The following NOD1 variants were observed in gnomAD, a reference collection of about 807,000 sequenced individuals.
The protein encoded by NOD1 is nucleotide-binding oligomerization domain-containing protein 1.
A neutral mutation model predicts 81.2 loss-of-function variants in NOD1; 70 were observed. That is an observed-to-expected ratio of 0.86 (90% CI 0.71 to 1.05). The LOEUF (loss-of-function observed/expected upper bound fraction) is 1.05, where lower values mean the gene tolerates loss of function less well. NOD1 is among the 50% of genes least tolerant of loss of function. NOD1 has a pLI of 0.00. For synonymous variants in NOD1, 508 were observed against 526.9 expected, an observed-to-expected ratio of 0.96 and a Z score of 0.49; for missense variants, 1,233 against 1,228.0, an observed-to-expected ratio of 1.00 and a Z score of -0.06.
chr7:30,466,236 C>A (rs1332916852), intron 1 of NOD1, among the ~76,000 whole-genome samples: 3 of 152,190 alleles, frequency 2.0e-5, no homozygotes, highest in Admixed American at 1.3e-4. Flanking sequence ...TCCTAGACAC[C>A]TGGTAGGATT....
chr7:30,445,506 C>G (rs1306784784), intron 9 of NOD1, among the ~76,000 whole-genome samples: 1 of 151,828 alleles, frequency 6.6e-6, no homozygotes, highest in Non-Finnish European at 1.5e-5. Context: ...CGCCTATAAT[C>G]CTGACACTTT....
At chr7:30,445,243 C>G (rs1784912945) in intron 9 of NOD1, among the ~76,000 whole-genome samples, 2 of 103,394 alleles carry the variant, frequency 1.9e-5, no homozygotes, top group South Asian at 6.8e-4. Context: ...CACATGTACC[C>G]TAAAACTTAG....
At position 30,451,622 on chromosome 7, in the gene NOD1, C is replaced by T. The variant is rs559741539; in HGVS notation, c.1795G>A (p.Ala599Thr). 7 of 1,613,950 alleles carry T rather than the reference C, an allele frequency of 4.3e-6. No homozygotes were observed. In the Admixed American group the frequency reaches 1.0e-4, roughly 23 times the overall value. ...AGATGCCGCAGGAGTTTCTGTTTGG[C>T]TTTGGACAACAGCCCGCACAGGAAG... ...NLFLCGLLSKAKQKLLRHLVP... is the reference protein window; with the variant it reads ...NLFLCGLLSKTKQKLLRHLVP... Residue 599 changes from alanine to threonine, a missense_variant, in exon 6 of 14, where the codon GCC becomes ACC. Ala to Thr is a moderately conservative substitution (Grantham distance 58). Coordinates refer to ENST00000222823, the MANE Select transcript of NOD1 (RefSeq NM_006092.4). This position sits in a 1 kb window ranked among gnomAD's most constrained non-coding sequence, Gnocchi z 4.2.
rs1000705207 is a variant in NOD1, at chr7:30,459,196, A to G, written c.-166T>C. The stretch of plus-strand genomic sequence containing the variant: ...CATTCTTTGAAGTTAGAATATTTTA[A>G]AACAACATTGTTTAAATCTTCAATT... On this transcript the variant is annotated 5_prime_UTR_variant, in exon 3 of 14. Coordinates refer to ENST00000222823, the MANE Select transcript of NOD1 (RefSeq NM_006092.4). 1 of 152,668 alleles carries G rather than the reference A, an allele frequency of 6.6e-6. No homozygotes were observed. Among genetic ancestry groups the G allele is most frequent in the Non-Finnish European group, 1.5e-5 (1 of 68,050 alleles). The allele number at this position is 152,668 out of a possible 1,614,324, so 9.5% of individuals were successfully genotyped here.
At chr7:30,475,715 C>A (rs1788710892) in intron 1 of NOD1, 2 of 152,218 alleles carry the variant, frequency 1.3e-5, no homozygotes. Context: ...AATCTCTGCC[C>A]ACAGTTTGGA....
In NOD1 at chr7:30,433,130, T is replaced by G. The variant is rs1400383562; in HGVS notation, c.2671A>C (p.Met891Leu). The G allele has an allele frequency of 6.2e-7, 1 of 1,614,218 alleles. No homozygotes were observed. Among genetic ancestry groups the G allele is most frequent in the African/African-American group, 1.3e-5 (1 of 75,072 alleles). The change falls in exon 12 of 14, where the codon ATG (methionine) becomes CTG (leucine). Residue 891 changes from methionine (M) to leucine (L), a missense_variant. Physicochemically the swap from Met to Leu is conservative, Grantham distance 15. Coordinates refer to ENST00000222823, the MANE Select transcript of NOD1 (RefSeq NM_006092.4). ...NDEVAESLAE[M>L]LKVNQTLKHL... Reference sequence around the variant, plus strand: ...TTTAACGTCTGGTTGACTTTCAACATTTCTGCCAAACTCTCTGCCACTTCA... The same window carrying G: ...TTTAACGTCTGGTTGACTTTCAACAGTTCTGCCAAACTCTCTGCCACTTCA...
At position 30,455,460 on chromosome 7, in the gene NOD1, A is replaced by G. The variant is rs146033843; in HGVS notation, c.202-149T>C. The G allele has an allele frequency of 1.3e-5, 8 of 599,562 alleles. No homozygotes were observed. The East Asian group carries it at 2.0e-4, about 15-fold the overall frequency. The allele number at this position is 599,562 out of a possible 1,614,324, so 37.1% of individuals were successfully genotyped here. The stretch of plus-strand genomic sequence containing the variant: ...CCCCAGCTGCTGTGACAGTCAACAT[A>G]TTGGAGCCCGAAAATCTGTGAAATG... On this transcript the variant is annotated intron_variant, in intron 4 of 13. Transcript: ENST00000222823.
chr7:30,428,846 C>T (rs746971109), intron 13 of NOD1, among the ~76,000 whole-genome samples: 13 of 152,080 alleles, frequency 8.5e-5, no homozygotes, highest in Non-Finnish European at 1.8e-4. Flanking sequence ...AGTGGCATGG[C>T]GCTCAATGTC....
chr7:30,455,270 C>T lies in NOD1; in HGVS notation c.243G>A (p.Glu81=). The T allele has an allele frequency of 1.2e-6, 2 of 1,614,160 alleles. No individual in the cohort carries two copies. The highest frequency in any genetic ancestry group is 1.7e-6 in the Non-Finnish European group (2 of 1,180,028). The change falls in exon 5 of 14, where the codon GAG becomes GAA. Residue 81 remains glutamate, a synonymous_variant. Coordinates refer to ENST00000222823, the MANE Select transcript of NOD1 (RefSeq NM_006092.4). ...ILDLVQSKGE[E]VSEFFLYLLQ... The stretch of plus-strand genomic sequence containing the variant: ...GCAAGTAGAGGAAGAACTCGGACAC[C>T]TCCTCGCCCTTGCTCTGTACCAGGT...
Position 30,448,350 on chromosome 7 carries a change from C to A in NOD1, c.2233G>T (p.Val745Leu). The A allele has an allele frequency of 6.2e-7, 1 of 1,614,182 alleles. No individual in the cohort carries two copies. Residue 745 changes from valine to leucine, a missense_variant, in exon 7 of 14, where the codon GTA becomes TTA. Physicochemically the swap from Val to Leu is conservative, Grantham distance 32. Transcript: ENST00000222823. ...LSVNQITDGG[V>L]KVLSEELTKY... Reference sequence around the variant, plus strand: ...GTCAGCTCTTCGCTTAGCACCTTTACCCCACCGTCAGTGATCTGGTTTACG... The same window carrying A: ...GTCAGCTCTTCGCTTAGCACCTTTAACCCACCGTCAGTGATCTGGTTTACG...
intron 4 of NOD1, among the ~76,000 whole-genome samples, 159 bp from the exon 5 acceptor site, chr7:30,455,470 G>A (rs564981616): frequency 1.3e-5 from 2 of 152,092 alleles, no homozygotes; most frequent in South Asian, 2.1e-4. Context: ...ATTGGAGCCC[G>A]AAAATCTGTG....
At chr7:30,454,257 C>T (rs1176274098) in intron 5 of NOD1, among the ~76,000 whole-genome samples, 14 of 152,258 alleles carry the variant, frequency 9.2e-5, no homozygotes, top group African/African-American at 2.9e-4. Context: ...ATGTTACCAA[C>T]AGCTGTCTCA....
intron 12 of NOD1, 110 bp downstream of exon 12, chr7:30,432,986 C>A (rs1784071746): frequency 2.5e-6 from 2 of 804,884 alleles, no homozygotes; most frequent in South Asian, 1.7e-5. Flanking sequence ...GCACTAAAAA[C>A]CTCTGAATTG....
rs780222028 is a variant in NOD1 at position 30,451,858 on chromosome 7, AG to A, written c.1558del (p.Leu520SerfsTer94). ...QQSYEFFHLT[L>X]QAFFTAFFLV... ...GAAGAAGGCTGTAAAGAAGGCCTGG[AG>A]GGTGAGGTGGAAAAACTCATAGGAC... On this transcript the variant is annotated frameshift_variant, in exon 6 of 14. Coordinates refer to ENST00000222823, the MANE Select transcript of NOD1 (RefSeq NM_006092.4). LOFTEE classifies it high-confidence loss of function. The surrounding 1 kb of genome is among the most constrained non-coding windows in gnomAD (Gnocchi z 4.2). 4 of 1,613,732 alleles carry A rather than the reference AG, an allele frequency of 2.5e-6. No homozygotes were observed. In the Admixed American group the frequency reaches 5.0e-5, roughly 20 times the overall value.
In NOD1 at chr7:30,452,814, C is replaced by T; in HGVS notation, c.603G>A (p.Leu201=). 1.2e-6 allele frequency: 2 copies of T among 1,614,154 alleles called. No homozygotes were observed. The highest frequency in any genetic ancestry group is 1.7e-6 in the Non-Finnish European group (2 of 1,180,034). The change falls in exon 6 of 14, where the codon CTG becomes CTA. Residue 201 remains leucine, a synonymous_variant. Coordinates refer to ENST00000222823, the MANE Select transcript of NOD1 (RefSeq NM_006092.4). ...LNEQGETIFI[L]GDAGVGKSML... ...TGGACTTGCCCACCCCAGCATCACCCAGGATGAAGATGGTCTCACCCTGCT... is the reference window on the plus strand; with the variant it reads ...TGGACTTGCCCACCCCAGCATCACCTAGGATGAAGATGGTCTCACCCTGCT...
At chr7:30,445,278 T>TAAA (rs55875433) in intron 9 of NOD1, among the ~76,000 whole-genome samples, 28 of 69,174 alleles carry the variant, frequency 4.0e-4, no homozygotes, top group South Asian at 1.6e-3. Flanking sequence ...AAAAAGAATC[T>TAAA]AAAAAAAAAA....
intron 1 of NOD1, among the ~76,000 whole-genome samples, chr7:30,462,656 A>T (rs1787225681): frequency 6.6e-6 from 1 of 152,152 alleles, no homozygotes; most frequent in Admixed American, 6.5e-5. Context: ...CAGACTCAAA[A>T]GAGTACTTAG....
chr7:30,439,331 T>G (rs955426675), intron 9 of NOD1, among the ~76,000 whole-genome samples: 1 of 146,522 alleles, frequency 6.8e-6, no homozygotes, highest in Non-Finnish European at 1.5e-5. Flanking sequence ...TTTCTGCATT[T>G]CCATCTGAGG....
rs1245836214 is a variant in NOD1, at chr7:30,425,104, C to T, written c.*534G>A. 1 of 154,674 alleles carries T rather than the reference C, an allele frequency of 6.5e-6. No homozygotes were observed. The highest frequency in any genetic ancestry group is 1.4e-5 in the Non-Finnish European group (1 of 69,720). 9.6% of individuals were successfully genotyped at this position (154,674 alleles called of 1,614,324 possible). On this transcript the variant is annotated 3_prime_UTR_variant, in exon 14 of 14. Transcript: ENST00000222823. ...CCACACTGCACATACTCCGGTGTCT[C>T]CAGCTGTGAAGTGGGACCAGTATCA...
Sources: allele counts gnomAD v4.1 joint callset (sites outside exome capture counted in the v4.1 genomes callset), GRCh38; gene constraint gnomAD v4.1.1; non-coding constraint Gnocchi (gnomAD v3.1); transcripts MANE v1.5; gene names NCBI Gene and HGNC (gene_info 2026-07-23, HGNC 2026-07-21).